The following NEBL variants were observed in gnomAD, a reference collection of about 807,000 sequenced individuals.
NEBL encodes nebulette, also known as LIM and SH3 protein 2.
NEBL carries 122 observed loss-of-function variants against 140.2 expected under a neutral mutation model. The ratio of observed to expected loss-of-function variants is 0.87; its 90% CI spans 0.75 to 1.01. The LOEUF (loss-of-function observed/expected upper bound fraction) is 1.01. Ranked by LOEUF, NEBL falls within the 50% of genes least tolerant of loss-of-function variation. The probability of loss-of-function intolerance (pLI) is 0.00; values close to 1 mark genes in which losing one functional copy is unlikely to be tolerated. For missense variants in NEBL, 1,365 were observed against 1,231.3 expected (o/e 1.11, Z -1.62); for synonymous variants, 436 against 398.9 (o/e 1.09, Z -1.11).
At chr10:21,227,937 G>A (rs1013351820) in intron 3 of NEBL, among the ~76,000 whole-genome samples, 1 of 151,632 alleles carries the variant, frequency 6.6e-6, no homozygotes, top group South Asian at 2.1e-4. Context: ...CTTGTGGCAA[G>A]CACTGATTTT....
At chr10:20,806,190 G>C (rs1176259406) in intron 26 of NEBL, among the ~76,000 whole-genome samples, 1 of 152,134 alleles carries the variant, frequency 6.6e-6, no homozygotes, top group Non-Finnish European at 1.5e-5. Flanking sequence ...TTGGAGGAGA[G>C]AATGCAAAGA....
At chr10:21,105,135 A>G (rs1374825452) in intron 2 of NEBL, among the ~76,000 whole-genome samples, 3 of 152,170 alleles carry the variant, frequency 2.0e-5, no homozygotes, top group Admixed American at 1.3e-4. Flanking sequence ...AAGTCTGTTA[A>G]TAACTTTTAC....
At chr10:21,026,394 G>T (rs991866920) in intron 2 of NEBL, among the ~76,000 whole-genome samples, 4 of 152,140 alleles carry the variant, frequency 2.6e-5, no homozygotes, top group Non-Finnish European at 5.9e-5. Flanking sequence ...AATAAGTCTT[G>T]TTTAATAGAT....
At chr10:21,234,948 G>A (rs567985669) in intron 3 of NEBL, among the ~76,000 whole-genome samples, 1 of 152,288 alleles carries the variant, frequency 6.6e-6, no homozygotes, top group East Asian at 1.9e-4. Context: ...CTTTAACAGA[G>A]AGAAAGGAGA....
intron 9 of NEBL, among the ~76,000 whole-genome samples, chr10:20,853,141 G>C (rs1436898306): frequency 6.6e-6 from 1 of 152,184 alleles, no homozygotes; most frequent in African/African-American, 2.4e-5. Context: ...AGAAGATTGA[G>C]AGGCACAAGG....
intron 1 of NEBL, among the ~76,000 whole-genome samples, chr10:21,292,445 G>T (rs942265311): frequency 1.3e-5 from 2 of 152,186 alleles, no homozygotes; most frequent in Non-Finnish European, 2.9e-5. Context: ...CACTTAGGAA[G>T]AAAATGTATG....
chr10:21,228,954 C>T (rs142111702), intron 3 of NEBL, among the ~76,000 whole-genome samples: 21 of 152,226 alleles, frequency 1.4e-4, no homozygotes, highest in African/African-American at 4.8e-4. Flanking sequence ...TCTCTATTTC[C>T]TCTGTCATAG....
chr10:21,189,527 C>A (rs1403452716), intron 3 of NEBL, among the ~76,000 whole-genome samples: 1 of 152,162 alleles, frequency 6.6e-6, no homozygotes, highest in Non-Finnish European at 1.5e-5. Context: ...TGCAGGGGCA[C>A]GATCTCTGCT....
rs572008357 is a variant in NEBL at position 20,947,848 on chromosome 10, A to G, written c.357+13824T>C. Among the ~76,000 whole-genome samples, 9 of 152,326 alleles carry G rather than the reference A, an allele frequency of 5.9e-5. No individual in the cohort carries two copies. The East Asian group carries it at 1.5e-3, about 26-fold the overall frequency. On this transcript the variant is annotated intron_variant, in intron 4 of 6. Coordinates refer to the NEBL transcript ENST00000417816. The stretch of plus-strand genomic sequence containing the variant: ...ATAGAAAAGAATTCAACAAACTTAC[A>G]CAGAAGTCTGCAATCAGACAATCTA...
chr10:21,219,365 C>T (rs1270766112), intron 3 of NEBL, among the ~76,000 whole-genome samples: 1 of 152,138 alleles, frequency 6.6e-6, no homozygotes, highest in Non-Finnish European at 1.5e-5. Context: ...TAAAACCAAC[C>T]TATTGACATT....
rs961050005 is a variant in NEBL at position 21,146,200 on chromosome 10, CA to C, written c.164+26182del. ...GCTTAATCTAGGTCAGTGATAACTG[CA>C]AAGGAAGTTTATTTCATGCAGAGGG... On this transcript the variant is annotated intron_variant, in intron 2 of 6. Transcript: ENST00000417816. The C allele has an allele frequency of 1.5e-5, 10 of 659,114 alleles. No individual in the cohort carries two copies. The African/African-American group carries it at 1.8e-4, about 12-fold the overall frequency. 40.8% of individuals were successfully genotyped at this position (659,114 alleles called of 1,614,324 possible).
At chr10:21,110,060 T>C (rs1411145951) in intron 2 of NEBL, among the ~76,000 whole-genome samples, 1 of 152,172 alleles carries the variant, frequency 6.6e-6, no homozygotes, top group African/African-American at 2.4e-5. Flanking sequence ...TGAATGTGTC[T>C]GCTCCTGCTT....
intron 2 of NEBL, among the ~76,000 whole-genome samples, chr10:21,026,362 A>C (rs1208475688): frequency 6.6e-6 from 1 of 152,154 alleles, no homozygotes; most frequent in Non-Finnish European, 1.5e-5. Context: ...ATCCTGTCCC[A>C]AATGTCAACA....
rs1019729633 is a variant in NEBL, at chr10:21,163,869, C to G, written c.164+8514G>C. On this transcript the variant is annotated intron_variant, in intron 2 of 6. Coordinates refer to the NEBL transcript ENST00000417816. The stretch of plus-strand genomic sequence containing the variant: ...TGAAAAAGTAAACAGAAGTCAAACG[C>G]GAAGCAACATCCTCCAAGACTCTGC... Among the ~76,000 whole-genome samples, 4 of 152,238 alleles carry G rather than the reference C, an allele frequency of 2.6e-5. No homozygotes were observed. The South Asian group carries it at 8.3e-4, about 32-fold the overall frequency.
At chr10:20,816,414 G>T (rs1424907345) in intron 21 of NEBL, among the ~76,000 whole-genome samples, 1 of 152,128 alleles carries the variant, frequency 6.6e-6, no homozygotes, top group Non-Finnish European at 1.5e-5. Context: ...AGGTGACTGT[G>T]GGCATCCTTT....
chr10:21,028,341 T>C (rs1467359256), intron 2 of NEBL, among the ~76,000 whole-genome samples: 2 of 151,550 alleles, frequency 1.3e-5, no homozygotes, highest in Non-Finnish European at 2.9e-5. Context: ...AGGTCTTCTA[T>C]GAAGCTACTT....
chr10:20,894,637 G>A (rs11012376), intron 2 of NEBL, among the ~76,000 whole-genome samples: 16,935 of 151,678 alleles, frequency 0.11, 1,220 homozygotes, highest in African/African-American at 0.2. Context: ...AGAATAGGCC[G>A]GGCATGGTGG....
chr10:20,962,306 CAAG>C (rs1836088550), intron 3 of NEBL, among the ~76,000 whole-genome samples: 1 of 152,186 alleles, frequency 6.6e-6, no homozygotes, highest in African/African-American at 2.4e-5. Flanking sequence ...TAGCCCTGTC[CAAG>C]AAGTTTTTAT....
intron 2 of NEBL, among the ~76,000 whole-genome samples, chr10:21,040,562 G>A (rs765244123): frequency 6.6e-6 from 1 of 152,148 alleles, no homozygotes; most frequent in Non-Finnish European, 1.5e-5. Flanking sequence ...CTAACAGAGC[G>A]AGAACTCACT....
Sources: allele counts gnomAD v4.1 joint callset (sites outside exome capture counted in the v4.1 genomes callset), GRCh38; gene constraint gnomAD v4.1.1; transcripts MANE v1.5; gene names NCBI Gene and HGNC (gene_info 2026-07-23, HGNC 2026-07-21).